KLHL13: variants seen among roughly 807,000 people sequenced by gnomAD.
The protein encoded by KLHL13 is kelch like family member 13.
KLHL13 carries 10 observed loss-of-function variants against 37.1 expected under a neutral mutation model. That is an observed-to-expected ratio of 0.27 (90% CI 0.17 to 0.46). The LOEUF is 0.46. Among genes scored for constraint, KLHL13 ranks in the 20% least tolerant of loss-of-function variants. The probability of loss-of-function intolerance (pLI) is 1.00; values close to 1 mark genes in which losing one functional copy is unlikely to be tolerated. For synonymous variants in KLHL13, 163 were observed against 181.2 expected (o/e 0.90, Z 0.81); for missense variants, 360 against 509.3 (o/e 0.71, Z 2.82).
chrX:118,103,330 T>C (rs940907103), intron 1 of KLHL13, among the ~76,000 whole-genome samples: 8 of 111,887 alleles, frequency 7.2e-5, no homozygotes, highest in Non-Finnish European at 1.5e-4. Flanking sequence ...TTGCCATACA[T>C]GGCAAAGCAG....
intron 1 of KLHL13, among the ~76,000 whole-genome samples, chrX:118,097,606 G>A: frequency 9.0e-6 from 1 of 111,701 alleles, no homozygotes; most frequent in Non-Finnish European, 1.9e-5. Flanking sequence ...AACCAAAAAA[G>A]AGCCCGCATT....
At position 117,983,578 on chromosome X, in the gene KLHL13, A is replaced by T. The variant is rs920484690; in HGVS notation, c.-55-38003T>A. On this transcript the variant is annotated intron_variant, in intron 1 of 6. Coordinates refer to the KLHL13 transcript ENST00000371882. ...TGGAGTGCAAAAAGAAACCTGGTTA[A>T]TTGTAGTTTTATTATATTTAGTTCA... is the stretch of plus-strand genomic sequence containing the variant. The T allele has an allele frequency of 4.0e-6, 4 of 1,011,364 alleles. No individual in the cohort carries two copies. In the Admixed American group the frequency reaches 1.1e-4, roughly 29 times the overall value. The allele number at this position is 1,011,364 out of a possible 1,213,427, so 83.3% of individuals were successfully genotyped here.
At chrX:117,965,751 T>C (rs2053414128) in intron 1 of KLHL13, among the ~76,000 whole-genome samples, 3 of 111,631 alleles carry the variant, frequency 2.7e-5, no homozygotes, top group Non-Finnish European at 5.6e-5. Flanking sequence ...TGGTTCAACA[T>C]ATGCAAATCA....
chrX:118,030,696 T>C (rs2054327592), intron 1 of KLHL13, among the ~76,000 whole-genome samples: 2 of 111,825 alleles, frequency 1.8e-5, no homozygotes, highest in African/African-American at 3.2e-5. Context: ...AAGGACAAGT[T>C]CAAGTTCATC....
At chrX:117,978,278 G>A (rs1000732047), upstream of KLHL13, among the ~76,000 whole-genome samples, 4 of 112,209 alleles carry the variant, frequency 3.6e-5, no homozygotes, top group East Asian at 2.8e-4. Context: ...ATGTATATGC[G>A]TAGAGAATTC....
upstream of KLHL13, among the ~76,000 whole-genome samples, chrX:117,975,177 T>TACACACACACACACAC (rs760035096): frequency 9.7e-6 from 1 of 103,276 alleles, no homozygotes; most frequent in African/African-American, 3.5e-5. Flanking sequence ...GAGAAATACA[T>TACACACACACACACAC]ACACACACAC....
chrX:117,978,805 T>C (rs1394827111), intron 1 of KLHL13, among the ~76,000 whole-genome samples: 3 of 107,636 alleles, frequency 2.8e-5, no homozygotes, highest in Non-Finnish European at 5.8e-5. Flanking sequence ...TTTTTTTTTT[T>C]TTTCTACCCG....
intron 2 of KLHL13, among the ~76,000 whole-genome samples, chrX:117,938,387 TA>T (rs1231925657): frequency 9.0e-6 from 1 of 111,613 alleles, no homozygotes; most frequent in Non-Finnish European, 1.9e-5. Flanking sequence ...GTCCCACCTC[TA>T]GAACAATGGT....
At chrX:118,027,325 T>G (rs2054285140) in intron 1 of KLHL13, among the ~76,000 whole-genome samples, 1 of 110,985 alleles carries the variant, frequency 9.0e-6, no homozygotes, top group South Asian at 3.8e-4. Flanking sequence ...TGGCTCCTTC[T>G]GACTTCTTTT....
intron 2 of KLHL13, among the ~76,000 whole-genome samples, chrX:117,944,233 G>A (rs925585450): frequency 1.8e-5 from 2 of 110,127 alleles, no homozygotes; most frequent in South Asian, 7.9e-4. Flanking sequence ...TGTTCTATTC[G>A]GCCATCTTCC....
At chrX:117,903,337 T>G (rs948158963) in intron 5 of KLHL13, among the ~76,000 whole-genome samples, 3 of 111,912 alleles carry the variant, frequency 2.7e-5, no homozygotes, top group African/African-American at 9.7e-5. Flanking sequence ...TTCCACTTAC[T>G]TTAGCTTTGA....
chrX:117,931,056 T>C (rs1932426363), intron 2 of KLHL13, among the ~76,000 whole-genome samples: 1 of 111,819 alleles, frequency 8.9e-6, no homozygotes, highest in Admixed American at 9.5e-5. Context: ...TTCAGAGAAA[T>C]TAACCCAGGG....
intron 1 of KLHL13, among the ~76,000 whole-genome samples, chrX:118,014,747 G>A (rs913245537): frequency 1.8e-5 from 2 of 111,956 alleles, no homozygotes; most frequent in African/African-American, 6.5e-5. Flanking sequence ...CTGACACTTA[G>A]GGAAAATAGA....
chrX:117,980,077 A>ATT (rs1046924016), intron 1 of KLHL13, among the ~76,000 whole-genome samples: 1 of 111,683 alleles, frequency 9.0e-6, no homozygotes, highest in African/African-American at 3.2e-5. Context: ...AGTTTCACTT[A>ATT]TTTTTTTTAA....
rs1039698344 is a variant in KLHL13 at position 117,900,633 on chromosome X, A to G, written c.1480+1200T>C. On this transcript the variant is annotated intron_variant, in intron 6 of 6. Coordinates refer to ENST00000262820, the Ensembl canonical transcript of KLHL13. ...ACCAGAAACCTGCCAATCATATACTATAGGCCTTTCATTGATTCTTATTGA... is the reference window on the plus strand; with the variant it reads ...ACCAGAAACCTGCCAATCATATACTGTAGGCCTTTCATTGATTCTTATTGA... Among the ~76,000 whole-genome samples the G allele has an allele frequency of 7.2e-5, 8 of 111,878 alleles. No homozygotes were observed. The Admixed American group carries it at 7.6e-4, about 11-fold the overall frequency.
At chrX:117,937,964 T>C (rs1449188498) in intron 2 of KLHL13, among the ~76,000 whole-genome samples, 1 of 112,248 alleles carries the variant, frequency 8.9e-6, no homozygotes, top group Non-Finnish European at 1.9e-5. Flanking sequence ...TTCTTTATTC[T>C]GGACATTTCA....
At chrX:118,037,941 G>C (rs902914689) in intron 1 of KLHL13, among the ~76,000 whole-genome samples, 2 of 111,068 alleles carry the variant, frequency 1.8e-5, no homozygotes, top group Non-Finnish European at 3.8e-5. Context: ...GGTATTACAG[G>C]GATAAGGAGA....
intron 1 of KLHL13, among the ~76,000 whole-genome samples, chrX:118,098,153 T>C: frequency 9.0e-6 from 1 of 111,557 alleles, no homozygotes; most frequent in Non-Finnish European, 1.9e-5. Context: ...ACCTACAGAA[T>C]GGGAGAAAAT....
At chrX:117,985,368 T>C in intron 1 of KLHL13, 5 of 1,055,254 alleles carry the variant, frequency 4.7e-6, no homozygotes, top group Non-Finnish European at 6.1e-6. Flanking sequence ...CTCTGCTACA[T>C]AGTAGCGCAC....
Sources: gnomAD v4.1 joint callset for allele counts (sites outside exome capture counted in the v4.1 genomes callset) on GRCh38, gnomAD v4.1.1 for gene constraint, MANE v1.5 for transcripts, NCBI Gene and HGNC (gene_info 2026-07-23, HGNC 2026-07-21) for gene names.